SIPA1L3: variants seen among roughly 807,000 people sequenced by gnomAD.
The protein encoded by SIPA1L3 is signal-induced proliferation-associated 1-like protein 3.
A neutral mutation model predicts 150.1 loss-of-function variants in SIPA1L3; 59 were observed. The ratio of observed to expected loss-of-function variants is 0.39; its 90% confidence interval spans 0.32 to 0.49. SIPA1L3 has a LOEUF of 0.49. Among genes scored for constraint, SIPA1L3 ranks in the 20% least tolerant of loss-of-function variants. SIPA1L3 has a pLI of 0.86. For missense variants in SIPA1L3, 2,211 were observed against 2,489.5 expected (o/e 0.89, Z 2.38); for synonymous variants, 1,070 against 1,077.6 (o/e 0.99, Z 0.14).
At chr19:38,045,909 GC>G (rs1217214248) in intron 2 of SIPA1L3, among the ~76,000 whole-genome samples, 9 of 152,128 alleles carry the variant, frequency 5.9e-5, no homozygotes, top group Non-Finnish European at 1.0e-4. Flanking sequence ...TCTTCCCACA[GC>G]CCCTGGGAGC....
intron 2 of SIPA1L3, among the ~76,000 whole-genome samples, chr19:38,069,197 A>G (rs1969660469): frequency 6.6e-6 from 1 of 152,168 alleles, no homozygotes. Context: ...GAGGGAGGAA[A>G]GGGGGAATTC....
At chr19:38,112,932 G>A (rs1970798659) in intron 8 of SIPA1L3, among the ~76,000 whole-genome samples, 1 of 152,208 alleles carries the variant, frequency 6.6e-6, no homozygotes, top group South Asian at 2.1e-4. Flanking sequence ...TCAGGGCGAG[G>A]TGCAGTGGCT....
intron 1 of SIPA1L3, among the ~76,000 whole-genome samples, chr19:37,937,334 T>C (rs1007734321): frequency 6.6e-6 from 1 of 152,216 alleles, no homozygotes; most frequent in Non-Finnish European, 1.5e-5. Flanking sequence ...GTAACTTACA[T>C]GTACCTATGT....
intron 9 of SIPA1L3, among the ~76,000 whole-genome samples, chr19:38,123,185 G>A (rs1415034410): frequency 6.6e-6 from 1 of 152,038 alleles, no homozygotes; most frequent in Non-Finnish European, 1.5e-5. Flanking sequence ...TCCTCACTTC[G>A]CAGATGAGGA....
chr19:38,026,667 C>T (rs1357881665), intron 1 of SIPA1L3, among the ~76,000 whole-genome samples: 49 of 152,208 alleles, frequency 3.2e-4, no homozygotes, highest in Admixed American at 3.1e-3. Flanking sequence ...GAAGCTGCTC[C>T]GCCTTTACCT....
At chr19:37,990,775 A>G (rs1967483934) in intron 1 of SIPA1L3, among the ~76,000 whole-genome samples, 1 of 152,192 alleles carries the variant, frequency 6.6e-6, no homozygotes, top group South Asian at 2.1e-4. Context: ...TAATTGGACC[A>G]CTGGTACCAA....
intron 2 of SIPA1L3, among the ~76,000 whole-genome samples, chr19:38,032,296 C>T (rs1968670191): frequency 6.6e-6 from 1 of 152,164 alleles, no homozygotes; most frequent in Admixed American, 6.5e-5. Flanking sequence ...CAAGTAAATT[C>T]CTAGCATTGC....
chr19:38,065,863 T>TATTTATTTATTTA (rs1599988611), intron 2 of SIPA1L3, among the ~76,000 whole-genome samples: 1 of 147,590 alleles, frequency 6.8e-6, no homozygotes, highest in African/African-American at 2.5e-5. Context: ...TTTATTTATT[T>TATTTATTTATTTA]TTGAGGCAAC....
intron 16 of SIPA1L3, among the ~76,000 whole-genome samples, chr19:38,190,242 G>T (rs59257801): frequency 6.6e-6 from 1 of 152,186 alleles, no homozygotes; most frequent in Non-Finnish European, 1.5e-5. Flanking sequence ...CCTCACTGCC[G>T]GGAGATGGGC....
chr19:38,040,917 C>T (rs1195442696), intron 2 of SIPA1L3, among the ~76,000 whole-genome samples: 1 of 151,698 alleles, frequency 6.6e-6, no homozygotes. Context: ...CCCACCACCA[C>T]GCCCAGCTAA....
chr19:38,105,812 G>A (rs1175833653), intron 6 of SIPA1L3, among the ~76,000 whole-genome samples: 1 of 152,188 alleles, frequency 6.6e-6, no homozygotes, highest in South Asian at 2.1e-4. Flanking sequence ...CCATTCTTTT[G>A]ACTGACGCTT....
intron 1 of SIPA1L3, among the ~76,000 whole-genome samples, chr19:37,985,248 G>C (rs998333373): frequency 2.0e-5 from 3 of 150,708 alleles, no homozygotes; most frequent in Non-Finnish European, 3.0e-5. Flanking sequence ...CCAGGCTGGA[G>C]TGCAGTGGTG....
intron 12 of SIPA1L3, among the ~76,000 whole-genome samples, chr19:38,143,835 G>A (rs1022695529): frequency 1.3e-5 from 2 of 151,924 alleles, no homozygotes; most frequent in African/African-American, 4.8e-5. Context: ...CCGTGCACCT[G>A]GCCAGATCTT....
intron 1 of SIPA1L3, among the ~76,000 whole-genome samples, chr19:37,962,805 T>C (rs2046871296): frequency 6.6e-6 from 1 of 152,208 alleles, no homozygotes; most frequent in East Asian, 1.9e-4. Flanking sequence ...GTTTGTTTTG[T>C]TGTTGAACAC....
intron 2 of SIPA1L3, among the ~76,000 whole-genome samples, chr19:38,032,605 C>G (rs1460987919): frequency 6.6e-6 from 1 of 152,122 alleles, no homozygotes; most frequent in East Asian, 1.9e-4. Flanking sequence ...TTTGGGAGGC[C>G]AAGGTGGGCG....
At position 38,207,540 on chromosome 19, in the gene SIPA1L3, C is replaced by T. The variant is rs1162113339; in HGVS notation, c.*1300C>T. ...CCCAACCTCAAGCTGAGGACCAAGG[C>T]GTGTCCCCTGTGGGCTGGGGGTCAG... On this transcript the variant is annotated 3_prime_UTR_variant, in exon 22 of 22. Transcript: ENST00000222345. 3.3e-5 allele frequency: 5 copies of T among 151,850 alleles called. No homozygotes were observed. Among genetic ancestry groups the T allele is most frequent in the East Asian group, 3.9e-4 (2 of 5,136 alleles). The allele number at this position is 151,850 out of a possible 1,614,324, so 9.4% of individuals were successfully genotyped here.
Position 38,141,350 on chromosome 19 carries a change from C to G in SIPA1L3, c.3310C>G (p.Pro1104Ala). Residue 1104 changes from proline (P) to alanine (A), a missense_variant, in exon 11 of 22, where the codon CCC (proline) becomes GCC (alanine). By Grantham distance (27) the Pro-to-Ala change is conservative. Around this residue, in one of 5 missense-constraint regions of SIPA1L3, gnomAD observed 806 missense variants for 870.1 expected, o/e 0.93. Transcript: ENST00000222345. Reference sequence around the variant, plus strand: ...CTCCAAGTGGGCCACTCCAACCACTCCCGGCCATGCCCAGTCCCTGAGCCG... The same window carrying G: ...CTCCAAGTGGGCCACTCCAACCACTGCCGGCCATGCCCAGTCCCTGAGCCG... ...PASKWATPTTPGHAQSLSRPL... is the reference protein window; with the variant it reads ...PASKWATPTTAGHAQSLSRPL... 1 of 1,614,012 alleles carries G rather than the reference C, an allele frequency of 6.2e-7. No homozygotes were observed. Among genetic ancestry groups the G allele is most frequent in the Admixed American group, 1.7e-5 (1 of 60,024 alleles).
chr19:38,188,846 C>T (rs1260992110), intron 16 of SIPA1L3, among the ~76,000 whole-genome samples: 1 of 151,734 alleles, frequency 6.6e-6, no homozygotes, highest in East Asian at 2.0e-4. Context: ...TGGCGTGAAC[C>T]TCGGAGGCGG....
intron 15 of SIPA1L3, among the ~76,000 whole-genome samples, chr19:38,174,445 C>T (rs1030056428): frequency 6.6e-6 from 1 of 152,156 alleles, no homozygotes; most frequent in African/African-American, 2.4e-5. Context: ...AGGGCTCTTC[C>T]TCTGACTGCC....
Sources: gnomAD v4.1 joint callset for allele counts (sites outside exome capture counted in the v4.1 genomes callset) on GRCh38, gnomAD v4.1.1 for gene constraint, gnomAD v4.1.1 regional missense constraint, MANE v1.5 for transcripts, NCBI Gene and HGNC (gene_info 2026-07-23, HGNC 2026-07-21) for gene names.